Variants in ACP3 observed in about 807,000 individuals in gnomAD.
ACP3 encodes acid phosphatase 3.
In ACP3, 38 loss-of-function variants were observed where a neutral mutation model predicts 45.6. The ratio of observed to expected loss-of-function variants is 0.83; its 90% CI spans 0.64 to 1.09. ACP3 has a LOEUF of 1.09. Ranked by LOEUF, ACP3 falls within the 50% of genes least tolerant of loss-of-function variation. The pLI is 0.00. For missense variants in ACP3, 466 were observed against 463.2 expected, an observed-to-expected ratio of 1.01 and a Z score of -0.05; for synonymous variants, 162 against 164.7, an observed-to-expected ratio of 0.98 and a Z score of 0.13.
intron 1 of ACP3, among the ~76,000 whole-genome samples, chr3:132,327,354 A>G (rs541238951): frequency 6.6e-6 from 1 of 151,326 alleles, no homozygotes; most frequent in South Asian, 2.1e-4. Flanking sequence ...TCTCTACTAA[A>G]AATACAAAGA....
At chr3:132,327,481 T>C (rs1445112886) in intron 1 of ACP3, among the ~76,000 whole-genome samples, 3 of 147,714 alleles carry the variant, frequency 2.0e-5, no homozygotes, top group Non-Finnish European at 4.4e-5. Flanking sequence ...GCCATTGCAC[T>C]CCAGCCTAGA....
chr3:132,323,846 A>T (rs1005212924), intron 1 of ACP3, among the ~76,000 whole-genome samples: 14 of 152,214 alleles, frequency 9.2e-5, no homozygotes, highest in African/African-American at 2.9e-4. Flanking sequence ...TCTAAGAGTG[A>T]TGAGGATATA....
At chr3:132,351,160 C>G (rs1937727398) in intron 8 of ACP3, among the ~76,000 whole-genome samples, 1 of 152,068 alleles carries the variant, frequency 6.6e-6, no homozygotes, top group Non-Finnish European at 1.5e-5. Context: ...GGCATCCCAG[C>G]AGAAAACTTC....
chr3:132,348,566 CA>C (rs1237791409), intron 7 of ACP3, among the ~76,000 whole-genome samples: 1 of 152,124 alleles, frequency 6.6e-6, no homozygotes, highest in Non-Finnish European at 1.5e-5. Context: ...CACTTGTTGA[CA>C]AAGGGCAACT....
At chr3:132,354,801 ATTAAG>A (rs1937841776) in intron 9 of ACP3, among the ~76,000 whole-genome samples, 1 of 152,260 alleles carries the variant, frequency 6.6e-6, no homozygotes, top group African/African-American at 2.4e-5. Flanking sequence ...AAAATAATTC[ATTAAG>A]TTAATATTGC....
At chr3:132,356,213 G>A (rs1339480745) in intron 9 of ACP3, among the ~76,000 whole-genome samples, 1 of 152,136 alleles carries the variant, frequency 6.6e-6, no homozygotes, top group African/African-American at 2.4e-5. Flanking sequence ...TCAGTTCCAT[G>A]TTTATAGCCT....
intron 10 of ACP3, among the ~76,000 whole-genome samples, chr3:132,365,112 T>A (rs533460014): frequency 6.6e-6 from 1 of 152,270 alleles, no homozygotes; most frequent in Non-Finnish European, 1.5e-5. Context: ...ATTAAGTTTT[T>A]TCTACAAACA....
intron 4 of ACP3, among the ~76,000 whole-genome samples, chr3:132,337,063 G>GGTGTGTGT (rs113543420): frequency 1.9e-4 from 27 of 144,996 alleles, no homozygotes; most frequent in South Asian, 6.6e-4. Flanking sequence ...CATGCGTTGG[G>GGTGTGTGT]GTGTGTGTGT....
At chr3:132,360,657 T>C (rs1938023855), downstream of ACP3, among the ~76,000 whole-genome samples, 1 of 152,224 alleles carries the variant, frequency 6.6e-6, no homozygotes, top group Non-Finnish European at 1.5e-5. Flanking sequence ...TACTAACACA[T>C]TCAGACTTTC....
At chr3:132,346,181 T>C (rs1227219823) in intron 7 of ACP3, among the ~76,000 whole-genome samples, 1 of 152,188 alleles carries the variant, frequency 6.6e-6, no homozygotes, top group Non-Finnish European at 1.5e-5. Context: ...TCACTGAGGC[T>C]ACTTAACTAG....
At chr3:132,352,939 G>A (rs1937790823) in intron 9 of ACP3, 116 bp downstream of exon 9, 3 of 699,228 alleles carry the variant, frequency 4.3e-6, no homozygotes, top group South Asian at 3.4e-5. Context: ...ATATTCAGAG[G>A]GAAGAATGGT....
chr3:132,339,899 C>T (rs984257744), intron 5 of ACP3, among the ~76,000 whole-genome samples: 1 of 152,150 alleles, frequency 6.6e-6, no homozygotes, highest in Non-Finnish European at 1.5e-5. Flanking sequence ...TTTCTGGTGA[C>T]CAACCCCCAT....
downstream of ACP3, among the ~76,000 whole-genome samples, chr3:132,360,110 G>A (rs1938012445): frequency 6.6e-6 from 1 of 152,078 alleles, no homozygotes; most frequent in Admixed American, 6.6e-5. Flanking sequence ...GTTCAGTGTT[G>A]GGAAACTCCT....
At chr3:132,327,584 C>G (rs59628590) in intron 1 of ACP3, among the ~76,000 whole-genome samples, 1 of 148,796 alleles carries the variant, frequency 6.7e-6, no homozygotes, top group Non-Finnish European at 1.5e-5. Context: ...TTTGGAAGGC[C>G]GAGGCAAGTG....
Position 132,357,515 on chromosome 3 carries a change from T to A in ACP3, c.*637T>A. 1.0e-6 allele frequency: 1 copy of A among 985,058 alleles called. No individual in the cohort carries two copies. Among genetic ancestry groups the A allele is most frequent in the African/African-American group, 1.7e-5 (1 of 57,368 alleles). The allele number at this position is 985,058 out of a possible 1,614,324, so 61.0% of individuals were successfully genotyped here. A position where few individuals can be genotyped will look rare whatever the true frequency, so the allele number is the denominator to read the frequency against. On this transcript the variant is annotated 3_prime_UTR_variant, in exon 10 of 10. Transcript: ENST00000336375. ...AGAACTAAAAATTAAAACCTCTTTG[T>A]GTCCCTTGGTCCTGGAACATTTATG...
chr3:132,342,531 C>A (rs768912977), intron 5 of ACP3, 21 bp from the exon 6 acceptor site: 6 of 1,553,980 alleles, frequency 3.9e-6, no homozygotes, highest in South Asian at 1.2e-5. Flanking sequence ...AGGAATTTTT[C>A]TTTCTCTGTT....
chr3:132,362,581 A>T (rs1048813247), downstream of ACP3, among the ~76,000 whole-genome samples: 10 of 152,216 alleles, frequency 6.6e-5, no homozygotes, highest in Non-Finnish European at 1.2e-4. Flanking sequence ...ACAGCAAAGT[A>T]TGGTGAATTC....
Position 132,358,440 on chromosome 3 carries a change from G to A in ACP3, c.*1562G>A, listed in dbSNP as rs1210855785. On this transcript the variant is annotated 3_prime_UTR_variant, in exon 10 of 10. Coordinates refer to ENST00000336375, the MANE Select transcript of ACP3 (RefSeq NM_001099.5). ...AGGTCCTGCTGAAACTGCCCACTCT[G>A]CAAGAAGAAATCATGATATAGCTTT... The A allele has an allele frequency of 1.6e-6, 2 of 1,274,092 alleles. No homozygotes were observed. Among genetic ancestry groups the A allele is most frequent in the Admixed American group, 2.4e-5 (1 of 42,332 alleles). The allele number at this position is 1,274,092 out of a possible 1,614,324, so 78.9% of individuals were successfully genotyped here.
At chr3:132,351,633 G>T (rs539922931) in intron 8 of ACP3, among the ~76,000 whole-genome samples, 2 of 152,314 alleles carry the variant, frequency 1.3e-5, no homozygotes, top group African/African-American at 4.8e-5. Context: ...CCTGAAATTA[G>T]TCATTTCTGC....
Sources: gnomAD v4.1 joint callset for allele counts (sites outside exome capture counted in the v4.1 genomes callset) on GRCh38, gnomAD v4.1.1 for gene constraint, MANE v1.5 for transcripts, NCBI Gene and HGNC (gene_info 2026-07-23, HGNC 2026-07-21) for gene names.